The following CWF19L2 variants were observed in gnomAD, a reference collection of about 807,000 sequenced individuals.
CWF19L2 encodes the protein CWF19 like cell cycle control factor 2.
Under a neutral mutation model 111.7 loss-of-function variants are expected in CWF19L2, and 98 were observed. That is an observed-to-expected ratio of 0.88 (90% CI 0.75 to 1.04). CWF19L2 has a LOEUF of 1.04. Among genes scored for constraint, CWF19L2 ranks in the 50% least tolerant of loss-of-function variants. CWF19L2 has a pLI of 0.00. For missense variants in CWF19L2, 1,101 were observed against 1,051.4 expected (o/e 1.05, Z -0.65); for synonymous variants, 351 against 342.9 (o/e 1.02, Z -0.26).
At chr11:107,335,611 AT>A (rs1454551574) in intron 15 of CWF19L2, among the ~76,000 whole-genome samples, 1 of 152,206 alleles carries the variant, frequency 6.6e-6, no homozygotes, top group African/African-American at 2.4e-5. Context: ...AATTTAAAAA[AT>A]AAGAATTTTT....
rs1225464383 is a variant in CWF19L2, at chr11:107,376,013, G to C, written c.1872+14061C>G. On this transcript the variant is annotated intron_variant, in intron 12 of 17. Transcript: ENST00000282251. ...CTACGCAAATAAACTAGAAAATCTA[G>C]AAGAAATGGATAAATTCCTCGACAC... is the stretch of plus-strand genomic sequence containing the variant. Among the ~76,000 whole-genome samples, 3 of 115,348 alleles carry C rather than the reference G, an allele frequency of 2.6e-5. No homozygotes were observed. The South Asian group carries it at 8.6e-4, about 33-fold the overall frequency. The allele number at this position is 115,348 out of a possible 152,430, so 75.7% of individuals were successfully genotyped here. A position where few individuals can be genotyped will look rare whatever the true frequency, so the allele number is the denominator to read the frequency against.
chr11:107,404,723 A>C, intron 10 of CWF19L2: 1 of 310,482 alleles, frequency 3.2e-6, no homozygotes, highest in Non-Finnish European at 6.2e-6. Flanking sequence ...TATTGATAGG[A>C]CCTAGCACAG....
intron 6 of CWF19L2, among the ~76,000 whole-genome samples, chr11:107,438,246 T>C (rs765348444): frequency 5.3e-5 from 8 of 152,230 alleles, no homozygotes; most frequent in Non-Finnish European, 1.0e-4. Flanking sequence ...ATGGGTTAGT[T>C]GTAATAAACT....
At chr11:107,403,658 G>C in intron 10 of CWF19L2, 3 of 775,336 alleles carry the variant, frequency 3.9e-6, no homozygotes, top group Non-Finnish European at 7.1e-6. Flanking sequence ...ACCTTTGTTT[G>C]GTGCTTGTTC....
intron 3 of CWF19L2, among the ~76,000 whole-genome samples, chr11:107,447,232 C>A (rs1217166230): frequency 6.6e-6 from 1 of 152,126 alleles, no homozygotes; most frequent in African/African-American, 2.4e-5. Flanking sequence ...ACATGAAAAT[C>A]TCACTGAGCA....
intron 10 of CWF19L2, among the ~76,000 whole-genome samples, chr11:107,412,994 G>A (rs1861178764): frequency 6.6e-6 from 1 of 152,176 alleles, no homozygotes; most frequent in African/African-American, 2.4e-5. Context: ...TAAACAGGTG[G>A]AACACAGAGG....
intron 12 of CWF19L2, among the ~76,000 whole-genome samples, chr11:107,384,809 TTAAAC>T (rs1315487399): frequency 1.3e-5 from 2 of 152,138 alleles, no homozygotes; most frequent in Non-Finnish European, 2.9e-5. Context: ...TTTAATGACT[TTAAAC>T]TAATGACTTT....
intron 10 of CWF19L2, among the ~76,000 whole-genome samples, chr11:107,396,502 G>A (rs901983913): frequency 3.3e-5 from 5 of 152,074 alleles, no homozygotes; most frequent in Non-Finnish European, 5.9e-5. Context: ...GAAGAAAGGA[G>A]AAAACAAAAC....
chr11:107,350,495 G>T (rs571270626), intron 13 of CWF19L2, among the ~76,000 whole-genome samples: 7 of 151,994 alleles, frequency 4.6e-5, no homozygotes, highest in African/African-American at 1.5e-4. Flanking sequence ...ACCATGTAAC[G>T]ACACACCAAT....
In CWF19L2 at chr11:107,373,681, A is replaced by T. The variant is rs1378445928; in HGVS notation, c.1872+16393T>A. Among the ~76,000 whole-genome samples, 2 of 132,070 alleles carry T rather than the reference A, an allele frequency of 1.5e-5. 1 individual carries two copies. Among genetic ancestry groups the T allele is most frequent in the Non-Finnish European group, 3.3e-5 (2 of 61,512 alleles). The allele number at this position is 132,070 out of a possible 152,430, so 86.6% of individuals were successfully genotyped here. On this transcript the variant is annotated intron_variant, in intron 12 of 17. Transcript: ENST00000282251. ...CACAAAGATGGGGAAAAAACAGAAC[A>T]GAAAAACTGGAAACTCTAAAAAGCA...
At chr11:107,414,689 A>G (rs933857426) in intron 10 of CWF19L2, among the ~76,000 whole-genome samples, 21 of 152,026 alleles carry the variant, frequency 1.4e-4, no homozygotes, top group Admixed American at 1.0e-3. Context: ...CAACTCAATT[A>G]ATGGCTATTC....
intron 14 of CWF19L2, among the ~76,000 whole-genome samples, chr11:107,342,901 C>T (rs748781664): frequency 5.3e-5 from 8 of 152,056 alleles, no homozygotes; most frequent in African/African-American, 1.4e-4. Context: ...GAAGCAGAGA[C>T]GGAAATGATG....
intron 7 of CWF19L2, among the ~76,000 whole-genome samples, chr11:107,433,191 C>T (rs1186805549): frequency 5.3e-5 from 8 of 151,956 alleles, no homozygotes; most frequent in Non-Finnish European, 8.8e-5. Context: ...TTGTCCAGAA[C>T]GATGGGGAAA....
chr11:107,414,816 T>C (rs907381390), intron 10 of CWF19L2, among the ~76,000 whole-genome samples: 12 of 152,092 alleles, frequency 7.9e-5, no homozygotes, highest in African/African-American at 2.9e-4. Context: ...TCAAAATATA[T>C]ACATAAAGTA....
chr11:107,398,231 TC>T (rs79863852), intron 10 of CWF19L2, among the ~76,000 whole-genome samples: 4,161 of 152,094 alleles, frequency 0.027, 106 homozygotes, highest in East Asian at 0.1. Flanking sequence ...ATTAAGCTAA[TC>T]AGGGAGGGAC....
At chr11:107,381,327 C>T (rs140454638) in intron 12 of CWF19L2, among the ~76,000 whole-genome samples, 1 of 152,286 alleles carries the variant, frequency 6.6e-6, no homozygotes, top group Non-Finnish European at 1.5e-5. Context: ...ACCTTCCTCC[C>T]ACTCCCATCA....
At chr11:107,337,367 TTGTGTGTGTGTGTGTGTGTGTGTGTG>T (rs5794537) in intron 14 of CWF19L2, among the ~76,000 whole-genome samples, 6 of 148,218 alleles carry the variant, frequency 4.0e-5, no homozygotes, top group Non-Finnish European at 8.9e-5. Context: ...GGTGTGTGTT[TTGTGTGTGTGTGTGTGTGTGTGTGTG>T]TGTGTGTGTG....
chr11:107,338,663 T>C (rs1859962639), intron 14 of CWF19L2, among the ~76,000 whole-genome samples: 1 of 152,160 alleles, frequency 6.6e-6, no homozygotes, highest in South Asian at 2.1e-4. Context: ...AGAAAGACCA[T>C]GTGGTGTGTG....
At position 107,428,901 on chromosome 11, in the gene CWF19L2, T is replaced by G. The variant is rs199676846; in HGVS notation, c.1331A>C (p.Gln444Pro). The G allele has an allele frequency of 3.1e-6, 5 of 1,613,716 alleles. No individual in the cohort carries two copies. The highest frequency in any genetic ancestry group is 1.6e-4 in the Middle Eastern group (1 of 6,062). ...TTCTCTTGGGTCTTCTGGAACATGT[T>G]GGTGTTCATCAGTACTGGTTTCCGA... ...KPSETSTDEH[Q>P]HVPEDPREKS... The change falls in exon 8 of 18, where the codon CAA (glutamine) becomes CCA (proline). Residue 444 changes from glutamine (Q) to proline (P), a missense_variant. Coordinates refer to ENST00000282251, the MANE Select transcript of CWF19L2 (RefSeq NM_152434.3).
Sources: gnomAD v4.1 joint callset for allele counts (sites outside exome capture counted in the v4.1 genomes callset) on GRCh38, gnomAD v4.1.1 for gene constraint, MANE v1.5 for transcripts, NCBI Gene and HGNC (gene_info 2026-07-23, HGNC 2026-07-21) for gene names.